Variants in IQSEC1 observed in about 807,000 individuals in gnomAD.
IQSEC1 encodes the protein IQ motif and Sec7 domain ArfGEF 1.
A neutral mutation model predicts 91.0 loss-of-function variants in IQSEC1; 31 were observed. The ratio of observed to expected loss-of-function variants is 0.34; its 90% CI spans 0.26 to 0.46. The LOEUF (loss-of-function observed/expected upper bound fraction) is 0.46. Among genes scored for constraint, IQSEC1 ranks in the 20% least tolerant of loss-of-function variants. IQSEC1 has a pLI of 1.00. For missense variants in IQSEC1, 1,388 were observed against 1,575.6 expected, an observed-to-expected ratio of 0.88 and a Z score of 2.02; for synonymous variants, 699 against 662.6, an observed-to-expected ratio of 1.05 and a Z score of -0.84.
chr3:13,109,736 G>A (rs1212440621), intron 2 of IQSEC1, among the ~76,000 whole-genome samples: 1 of 150,552 alleles, frequency 6.6e-6, no homozygotes, highest in Non-Finnish European at 1.5e-5. Flanking sequence ...CCTAGAAGCT[G>A]AGCAGATGCC....
At chr3:13,093,855 T>A (rs191778004) in intron 2 of IQSEC1, among the ~76,000 whole-genome samples, 1 of 152,216 alleles carries the variant, frequency 6.6e-6, no homozygotes, top group Non-Finnish European at 1.5e-5. Context: ...GGTCCAGGGA[T>A]GTGCACGTGA....
intron 1 of IQSEC1, among the ~76,000 whole-genome samples, chr3:13,031,379 G>A (rs1275123585): frequency 1.3e-5 from 2 of 152,230 alleles, no homozygotes; most frequent in Non-Finnish European, 2.9e-5. Context: ...TCAGCTGGGG[G>A]ACTCGGCCTC....
rs1705170357 is a variant in IQSEC1, at chr3:13,064,441, T to A, written c.23+8551A>T. ...CAGAGAAAAAAAAAGAGGAAAATAA[T>A]TTAGAATAAAATAAACGGTAATTTG... On this transcript the variant is annotated intron_variant, in intron 1 of 13. Transcript: ENST00000613206. 2.0e-5 allele frequency among the ~76,000 whole-genome samples: 3 copies of A among 152,122 alleles called. No individual in the cohort carries two copies. In the South Asian group the frequency reaches 6.2e-4, roughly 31 times the overall value.
intron 1 of IQSEC1, among the ~76,000 whole-genome samples, chr3:13,036,452 A>T (rs977540552): frequency 1.3e-5 from 2 of 152,180 alleles, no homozygotes; most frequent in African/African-American, 4.8e-5. Context: ...AATAAACAAA[A>T]ATAATTTTTT....
At chr3:13,212,231 C>G (rs1204234004) in intron 1 of IQSEC1, among the ~76,000 whole-genome samples, 1 of 152,238 alleles carries the variant, frequency 6.6e-6, no homozygotes, top group African/African-American at 2.4e-5. Context: ...TGCTTTCTGT[C>G]TCTACAGTTT....
At chr3:12,937,049 C>T (rs1225745758) in intron 2 of IQSEC1, among the ~76,000 whole-genome samples, 2 of 152,092 alleles carry the variant, frequency 1.3e-5, no homozygotes, top group African/African-American at 4.8e-5. Context: ...CCTCCTGCCT[C>T]AACCTCCCGA....
In IQSEC1 at chr3:13,211,390, C is replaced by T. The variant is rs1189889784; in HGVS notation, c.273-47257G>A. ...TTAGGAAGGGAGGGAGGAAATATTC[C>T]TGCCTGAGGTCTCTGTTTTCTGGGC... On this transcript the variant is annotated intron_variant, in intron 1 of 15. Transcript: ENST00000648114. The surrounding 1 kb of genome is among the most constrained non-coding windows in gnomAD (Gnocchi z 5.3). Among the ~76,000 whole-genome samples, 1 of 152,210 alleles carries T rather than the reference C, an allele frequency of 6.6e-6. No individual in the cohort carries two copies. The highest frequency in any genetic ancestry group is 1.5e-5 in the Non-Finnish European group (1 of 68,026).
In IQSEC1 at chr3:12,915,667, C is replaced by T. The variant is rs202207235; in HGVS notation, c.2087G>A (p.Arg696Gln). ...LMGIYERIRK[R>Q]ELKTNEDHVS... ...ATGGTCCTCATTGGTCTTTAGCTCT[C>T]GCTTACGGATCCGTTCATAGATCCC... Residue 696 changes from arginine to glutamine, a missense_variant, in exon 7 of 14, where the codon CGA becomes CAA. Physicochemically the swap from Arg to Gln is conservative, Grantham distance 43. Transcript: ENST00000613206. 1.1e-5 allele frequency: 18 copies of T among 1,614,158 alleles called. No homozygotes were observed. The highest frequency in any genetic ancestry group is 6.7e-5 in the Admixed American group (4 of 60,028).
intron 1 of IQSEC1, among the ~76,000 whole-genome samples, chr3:12,947,906 G>C (rs1467272623): frequency 6.6e-6 from 1 of 152,240 alleles, no homozygotes; most frequent in Non-Finnish European, 1.5e-5. Context: ...GACATGGCTG[G>C]GTGAAGCGCT....
intron 1 of IQSEC1, among the ~76,000 whole-genome samples, chr3:13,061,120 T>C (rs1258349572): frequency 1.3e-5 from 2 of 152,074 alleles, no homozygotes; most frequent in African/African-American, 4.8e-5. Flanking sequence ...GAGAAGTTGC[T>C]CTTGCTCAGG....
At chr3:13,015,992 G>C (rs9868468) in intron 1 of IQSEC1, among the ~76,000 whole-genome samples, 19,444 of 152,234 alleles carry the variant, frequency 0.13, 1,470 homozygotes, top group African/African-American at 0.21. Flanking sequence ...GCACTGCACT[G>C]TCACGGAGGG....
rs963202011 is a variant in IQSEC1 at position 12,935,281 on chromosome 3, C to T, written c.1568+167G>A. On this transcript the variant is annotated intron_variant, in intron 3 of 13. Transcript: ENST00000613206. The surrounding 1 kb of genome is among the most constrained non-coding windows in gnomAD (Gnocchi z 8.0). The stretch of plus-strand genomic sequence containing the variant: ...AGTCCCAGGAGGGGCTAGGCCTCAG[C>T]GCACAGGCTGGCACCGTCCTAGCCA... Among the ~76,000 whole-genome samples the T allele has an allele frequency of 9.2e-5, 14 of 152,194 alleles. No homozygotes were observed. The highest frequency in any genetic ancestry group is 1.0e-4 in the Non-Finnish European group (7 of 68,026).
intron 1 of IQSEC1, among the ~76,000 whole-genome samples, chr3:12,948,002 A>T (rs1699296188): frequency 1.3e-5 from 2 of 152,198 alleles, no homozygotes; most frequent in African/African-American, 4.8e-5. Context: ...GCCCCGCCCC[A>T]CCCAGGCTTT....
At chr3:12,949,818 G>A (rs1223313479) in intron 1 of IQSEC1, among the ~76,000 whole-genome samples, 1 of 152,228 alleles carries the variant, frequency 6.6e-6, no homozygotes, top group East Asian at 1.9e-4. Context: ...CACAGCTGGA[G>A]AGAGGTGGCC....
rs1303589707 is a variant in IQSEC1, at chr3:12,983,526, C to A, written c.24-41661G>T. 6.6e-6 allele frequency among the ~76,000 whole-genome samples: 1 copy of A among 152,184 alleles called. No homozygotes were observed. The highest frequency in any genetic ancestry group is 1.5e-5 in the Non-Finnish European group (1 of 68,028). ...GAACTGCAGCCTGGCCTTCCTAGCC[C>A]CGAGACAGAGCGGCCAGGATGAAGT... On this transcript the variant is annotated intron_variant, in intron 1 of 13. Coordinates refer to ENST00000613206, the MANE Select transcript of IQSEC1 (RefSeq NM_001134382.3). The surrounding 1 kb of genome is among the most constrained non-coding windows in gnomAD (Gnocchi z 4.3).
rs1576179059 is a variant in IQSEC1, at chr3:13,022,325, C to T, written c.23+50667G>A. On this transcript the variant is annotated intron_variant, in intron 1 of 13. Transcript: ENST00000613206. The stretch of plus-strand genomic sequence containing the variant: ...GCCACAGGCCCCACTATCCACCGGC[C>T]AGCCTCTGTGCCCTGGTCCTGTCTA... 5.0e-6 allele frequency: 6 copies of T among 1,198,450 alleles called. No individual in the cohort carries two copies. In the East Asian group the frequency reaches 1.4e-4, roughly 27 times the overall value. The allele number at this position is 1,198,450 out of a possible 1,614,324, so 74.2% of individuals were successfully genotyped here.
At chr3:12,913,151 G>A (rs377160548) in intron 9 of IQSEC1, among the ~76,000 whole-genome samples, 6 of 152,370 alleles carry the variant, frequency 3.9e-5, no homozygotes, top group African/African-American at 7.2e-5. Flanking sequence ...CCGAGGAAGC[G>A]TCACACAAGG....
chr3:13,070,330 C>T (rs455582), intron 1 of IQSEC1, among the ~76,000 whole-genome samples: 40,579 of 152,138 alleles, frequency 0.27, 5,502 homozygotes, highest in South Asian at 0.32. Context: ...TCACATTTTA[C>T]AGCAGTTGGT....
chr3:13,118,605 T>C (rs1242034197), intron 2 of IQSEC1, among the ~76,000 whole-genome samples: 1 of 152,188 alleles, frequency 6.6e-6, no homozygotes, highest in Non-Finnish European at 1.5e-5. Context: ...TCCCTGGCGC[T>C]GTCAAATTCA....
Sources: gnomAD v4.1 joint callset for allele counts (sites outside exome capture counted in the v4.1 genomes callset) on GRCh38, gnomAD v4.1.1 for gene constraint, Gnocchi (gnomAD v3.1) non-coding constraint, MANE v1.5 for transcripts, NCBI Gene and HGNC (gene_info 2026-07-23, HGNC 2026-07-21) for gene names.